Variants in CNGB3 observed in about 807,000 individuals in gnomAD.
The protein encoded by CNGB3 is cyclic nucleotide gated channel subunit beta 3.
A neutral mutation model predicts 92.8 loss-of-function variants in CNGB3; 86 were observed. The observed-to-expected ratio is 0.93, with a 90% CI of 0.78 to 1.11. CNGB3 has a LOEUF of 1.11. Ranked by LOEUF, CNGB3 falls within the 50% of genes least tolerant of loss-of-function variation. CNGB3 has a pLI of 0.00. For missense variants in CNGB3, 1,026 were observed against 956.8 expected, an observed-to-expected ratio of 1.07 and a Z score of -0.95; for synonymous variants, 333 against 332.7, an observed-to-expected ratio of 1.00 and a Z score of -0.01.
intron 3 of CNGB3, 124 bp downstream of exon 3, chr8:86,726,407 T>C: frequency 1.5e-6 from 2 of 1,328,800 alleles, no homozygotes; most frequent in African/African-American, 1.4e-5. Context: ...TTTTTTTGTG[T>C]TATGTGACTA....
At chr8:86,636,322 A>G (rs1823070432) in intron 10 of CNGB3, among the ~76,000 whole-genome samples, 1 of 152,004 alleles carries the variant, frequency 6.6e-6, no homozygotes, top group South Asian at 2.1e-4. Context: ...CTGTAATCCC[A>G]GTGCTTTGGT....
intron 9 of CNGB3, 87 bp downstream of exon 9, chr8:86,644,534 AG>A (rs1188269952): frequency 2.6e-6 from 4 of 1,524,538 alleles, no homozygotes; most frequent in Non-Finnish European, 2.7e-6. Context: ...TTTTTTGAAG[AG>A]GGGGGTCATA....
In CNGB3 at chr8:86,657,009, G is replaced by A. The variant is rs573763837; in HGVS notation, c.853-2947C>T. Among the ~76,000 whole-genome samples, 6 of 152,266 alleles carry A rather than the reference G, an allele frequency of 3.9e-5. No individual in the cohort carries two copies. The South Asian group carries it at 1.2e-3, about 32-fold the overall frequency. Reference sequence around the variant, plus strand: ...GAAGGGGAGCCACCCCCAGCAGCCTGTTCTCTTGCCTGGTCTACATTTAGC... The same window carrying A: ...GAAGGGGAGCCACCCCCAGCAGCCTATTCTCTTGCCTGGTCTACATTTAGC... On this transcript the variant is annotated intron_variant, in intron 6 of 17. Coordinates refer to ENST00000320005, the MANE Select transcript of CNGB3 (RefSeq NM_019098.5).
chr8:86,621,054 T>A (rs1822716240), intron 13 of CNGB3, among the ~76,000 whole-genome samples: 1 of 152,220 alleles, frequency 6.6e-6, no homozygotes, highest in African/African-American at 2.4e-5. Flanking sequence ...CTCAATCAGA[T>A]GTTGCTGATT....
At position 86,626,071 on chromosome 8, in the gene CNGB3, T is replaced by A; in HGVS notation, c.1490A>T (p.Asp497Val). The change falls in exon 13 of 18, where the codon GAT becomes GTT. Residue 497 changes from aspartate (D) to valine (V), a missense_variant. Physicochemically the swap from Asp to Val is radical, Grantham distance 152. Coordinates refer to ENST00000320005, the MANE Select transcript of CNGB3 (RefSeq NM_019098.5). ...WDSQRMLDES[D>V]LLKTLPTTVQ... ...CGTAGTTGGTAGGGTCTTAAGCAAA[T>A]CAGACTCATCTTTATAAAGATAAAC... is the stretch of plus-strand genomic sequence containing the variant. 6.2e-7 allele frequency: 1 copy of A among 1,611,428 alleles called. No individual in the cohort carries two copies. Among genetic ancestry groups the A allele is most frequent in the Non-Finnish European group, 8.5e-7 (1 of 1,177,826 alleles).
intron 3 of CNGB3, among the ~76,000 whole-genome samples, chr8:86,673,114 A>G (rs1823893346): frequency 6.6e-6 from 1 of 152,206 alleles, no homozygotes; most frequent in Non-Finnish European, 1.5e-5. Flanking sequence ...TGCAAATAGA[A>G]ATATAAGTTA....
At chr8:86,585,182 G>A (rs1319185973) in intron 15 of CNGB3, among the ~76,000 whole-genome samples, 1 of 152,106 alleles carries the variant, frequency 6.6e-6, no homozygotes, top group African/African-American at 2.4e-5. Flanking sequence ...GACTGTGTAA[G>A]ATAACTTGTA....
At chr8:86,590,946 G>A (rs1036383280) in intron 15 of CNGB3, among the ~76,000 whole-genome samples, 1 of 151,334 alleles carries the variant, frequency 6.6e-6, no homozygotes. Context: ...TTCCAACTTG[G>A]TTCCATTCTC....
intron 15 of CNGB3, among the ~76,000 whole-genome samples, chr8:86,592,526 T>A (rs897499748): frequency 3.9e-5 from 6 of 152,232 alleles, no homozygotes; most frequent in Non-Finnish European, 8.8e-5. Flanking sequence ...TTGAGTAACT[T>A]GCCTGGAGAT....
At chr8:86,653,989 CT>C in intron 7 of CNGB3, 22 bp downstream of exon 7, 8 of 1,537,958 alleles carry the variant, frequency 5.2e-6, no homozygotes, top group Non-Finnish European at 7.2e-6. Context: ...ACGTGAGCAA[CT>C]TTGAAATTGT....
chr8:86,636,881 T>G (rs1823082870), intron 10 of CNGB3, among the ~76,000 whole-genome samples: 1 of 152,182 alleles, frequency 6.6e-6, no homozygotes, highest in South Asian at 2.1e-4. Context: ...TTTATTTTGC[T>G]AGGCATAATG....
At chr8:86,716,789 G>A (rs13272455) in intron 3 of CNGB3, among the ~76,000 whole-genome samples, 28,868 of 151,970 alleles carry the variant, frequency 0.19, 3,369 homozygotes, top group South Asian at 0.3. Context: ...AATCTCATGC[G>A]GTCTATATAA....
chr8:86,592,166 C>A (rs1041166276), intron 15 of CNGB3, among the ~76,000 whole-genome samples: 3 of 152,174 alleles, frequency 2.0e-5, no homozygotes, highest in African/African-American at 7.2e-5. Flanking sequence ...CCTTGCGCTT[C>A]CCGAGTGAGG....
rs1430221581 is a variant in CNGB3, at chr8:86,574,664, A to C, written c.*1140T>G. On this transcript the variant is annotated 3_prime_UTR_variant, in exon 18 of 18. Coordinates refer to ENST00000320005, the MANE Select transcript of CNGB3 (RefSeq NM_019098.5). The stretch of plus-strand genomic sequence containing the variant: ...CTTGGAAATAGCCTCATTACACAGA[A>C]CTTGATGTTATACACTAATGGCATT... The C allele has an allele frequency of 6.6e-6, 1 of 152,150 alleles. No individual in the cohort carries two copies. Among genetic ancestry groups the C allele is most frequent in the Non-Finnish European group, 1.5e-5 (1 of 68,016 alleles). 9.4% of individuals were successfully genotyped at this position (152,150 alleles called of 1,614,324 possible). A position where few individuals can be genotyped will look rare whatever the true frequency, so the allele number is the denominator to read the frequency against.
chr8:86,729,648 G>A (rs1264359744), intron 2 of CNGB3, among the ~76,000 whole-genome samples: 4 of 152,168 alleles, frequency 2.6e-5, no homozygotes, highest in Admixed American at 2.6e-4. Flanking sequence ...AAACCCATGA[G>A]GACTCAAAAC....
At chr8:86,692,705 G>C (rs1402046055) in intron 3 of CNGB3, among the ~76,000 whole-genome samples, 6 of 152,110 alleles carry the variant, frequency 3.9e-5, no homozygotes, top group African/African-American at 1.4e-4. Context: ...TTTAAGCGGA[G>C]CATTTAGGCC....
chr8:86,611,599 C>G lies in CNGB3; in HGVS notation c.1651G>C (p.Val551Leu). 6.2e-7 allele frequency: 1 copy of G among 1,612,934 alleles called. No homozygotes were observed. The highest frequency in any genetic ancestry group is 8.5e-7 in the Non-Finnish European group (1 of 1,179,148). ...TAGCATGCACTCACCTTTTTGCAGACAAAGTCACCAGGCAAATAGAGAACG... is the reference window on the plus strand; with the variant it reads ...TAGCATGCACTCACCTTTTTGCAGAGAAAGTCACCAGGCAAATAGAGAACG... ...KSVLYLPGDF[V>L]CKKGEIGKEM... Residue 551 changes from valine to leucine, a missense_variant, in exon 14 of 18, where the codon GTC (valine) becomes CTC (leucine). Coordinates refer to ENST00000320005, the MANE Select transcript of CNGB3 (RefSeq NM_019098.5).
intron 10 of CNGB3, among the ~76,000 whole-genome samples, chr8:86,635,873 CAT>C (rs1823062246): frequency 9.3e-6 from 1 of 106,994 alleles, no homozygotes; most frequent in African/African-American, 3.7e-5. Context: ...TACACATACA[CAT>C]ATACTTAGGC....
At chr8:86,680,792 G>GGAGGGGAGGTGGAGT (rs1824068255) in intron 3 of CNGB3, among the ~76,000 whole-genome samples, 1 of 152,062 alleles carries the variant, frequency 6.6e-6, no homozygotes, top group African/African-American at 2.4e-5. Flanking sequence ...TGTGGGGTGA[G>GGAGGGGAGGTGGAGT]GAGGGGAGGT....
Sources: allele counts gnomAD v4.1 joint callset (sites outside exome capture counted in the v4.1 genomes callset), GRCh38; gene constraint gnomAD v4.1.1; transcripts MANE v1.5; gene names NCBI Gene and HGNC (gene_info 2026-07-23, HGNC 2026-07-21).